Variants in XKR9 observed in about 807,000 individuals in gnomAD.
XKR9 encodes XK related 9.
A neutral mutation model predicts 32.0 loss-of-function variants in XKR9; 32 were observed. The ratio of observed to expected loss-of-function variants is 1.00; its 90% CI spans 0.76 to 1.34. The LOEUF is 1.34. XKR9 is among the 40% of genes most tolerant of loss of function. XKR9 has a pLI of 0.00. For missense variants in XKR9, 546 were observed against 429.7 expected (o/e 1.27, Z -2.39); for synonymous variants, 168 against 143.4 (o/e 1.17, Z -1.22).
the XKR9 span, among the ~76,000 whole-genome samples, chr8:70,925,442 C>T: frequency 2.4e-4 from 37 of 152,230 alleles, 1 homozygote; most frequent in South Asian, 4.1e-4. Flanking sequence ...ACTCTATTTT[C>T]GAGATGATAA....
At chr8:71,052,612 A>C in the XKR9 span, among the ~76,000 whole-genome samples, 1 of 152,224 alleles carries the variant, frequency 6.6e-6, no homozygotes, top group Non-Finnish European at 1.5e-5. Flanking sequence ...TCAAGCAGGC[A>C]TGCAGACAGT....
the XKR9 span, among the ~76,000 whole-genome samples, chr8:70,943,614 T>G: frequency 4.6e-5 from 7 of 152,260 alleles, no homozygotes; most frequent in African/African-American, 1.4e-4. Context: ...TAATAGGTCT[T>G]TTTTACTCAA....
chr8:70,756,802 C>T (rs1360286180), intron 2 of XKR9, among the ~76,000 whole-genome samples: 5 of 152,092 alleles, frequency 3.3e-5, no homozygotes, highest in Non-Finnish European at 7.4e-5. Flanking sequence ...AAATAGAGAT[C>T]ATTTTCCTTC....
chr8:70,894,303 G>A, the XKR9 span, among the ~76,000 whole-genome samples: 197 of 151,896 alleles, frequency 1.3e-3, 3 homozygotes, highest in East Asian at 0.035. Flanking sequence ...TGGGCCCTGG[G>A]GGCAGACAAC....
At chr8:70,933,851 T>C in the XKR9 span, among the ~76,000 whole-genome samples, 1 of 152,084 alleles carries the variant, frequency 6.6e-6, no homozygotes, top group African/African-American at 2.4e-5. Context: ...ATCTATTAGT[T>C]ATATCAGGAA....
the XKR9 span, among the ~76,000 whole-genome samples, chr8:70,943,500 A>T: frequency 6.6e-6 from 1 of 152,194 alleles, no homozygotes; most frequent in Non-Finnish European, 1.5e-5. Flanking sequence ...TAAAAAAGGT[A>T]AATATTTGGC....
At chr8:70,845,504 G>A in the XKR9 span, among the ~76,000 whole-genome samples, 1 of 152,092 alleles carries the variant, frequency 6.6e-6, no homozygotes, top group Non-Finnish European at 1.5e-5. Context: ...AGCTCAGTGA[G>A]ACACAAGAGA....
At chr8:70,869,848 AG>A in the XKR9 span, among the ~76,000 whole-genome samples, 214 of 152,324 alleles carry the variant, frequency 1.4e-3, 1 homozygote, top group South Asian at 5.2e-3. Flanking sequence ...CTTATTATAT[AG>A]TACCTTAGGC....
chr8:70,983,586 GC>G, the XKR9 span, among the ~76,000 whole-genome samples: 1,404 of 152,134 alleles, frequency 9.2e-3, 21 homozygotes, highest in African/African-American at 0.032. Flanking sequence ...TTCAAGACCA[GC>G]CTGGCTAACA....
chr8:71,019,666 T>A, the XKR9 span, among the ~76,000 whole-genome samples: 1 of 152,250 alleles, frequency 6.6e-6, no homozygotes, highest in Non-Finnish European at 1.5e-5. Context: ...CACTTTGAGA[T>A]GAAGTTTAAA....
chr8:70,930,645 G>T, the XKR9 span, among the ~76,000 whole-genome samples: 1 of 152,070 alleles, frequency 6.6e-6, no homozygotes, highest in Admixed American at 6.6e-5. Context: ...TTTTAGTTTG[G>T]GATACCACAT....
At chr8:70,852,288 T>C in the XKR9 span, among the ~76,000 whole-genome samples, 1 of 152,188 alleles carries the variant, frequency 6.6e-6, no homozygotes, top group African/African-American at 2.4e-5. Flanking sequence ...AAACAACAGC[T>C]GCTGGAAAGG....
intron 4 of XKR9, among the ~76,000 whole-genome samples, chr8:70,727,013 AT>A (rs1806492475): frequency 6.6e-6 from 1 of 152,036 alleles, no homozygotes; most frequent in Non-Finnish European, 1.5e-5. Context: ...AAAGGCACCC[AT>A]TTTTCTTAAG....
At chr8:70,769,794 A>C (rs949658622) in intron 2 of XKR9, among the ~76,000 whole-genome samples, 1 of 151,942 alleles carries the variant, frequency 6.6e-6, no homozygotes, top group Non-Finnish European at 1.5e-5. Context: ...TCATCAGGTC[A>C]TTTATGTTCT....
chr8:70,821,384 GGTGCACA>G, the XKR9 span, among the ~76,000 whole-genome samples: 1 of 152,200 alleles, frequency 6.6e-6, no homozygotes, highest in Non-Finnish European at 1.5e-5. Flanking sequence ...AGCTTTTGTA[GGTGCACA>G]GTGCAAGCTG....
At chr8:70,759,253 G>A (rs925121790) in intron 2 of XKR9, among the ~76,000 whole-genome samples, 3 of 152,092 alleles carry the variant, frequency 2.0e-5, no homozygotes, top group Non-Finnish European at 2.9e-5. Context: ...AACAGCTCAG[G>A]CCCATGCAAT....
At chr8:70,810,085 T>G in the XKR9 span, among the ~76,000 whole-genome samples, 3 of 152,200 alleles carry the variant, frequency 2.0e-5, no homozygotes, top group African/African-American at 4.8e-5. Context: ...GACTAACAGC[T>G]GATCTCTCGG....
the XKR9 span, among the ~76,000 whole-genome samples, chr8:70,817,139 G>T: frequency 6.6e-6 from 1 of 152,100 alleles, no homozygotes; most frequent in East Asian, 1.9e-4. Flanking sequence ...AGAACAACCA[G>T]GCAAGCAAAA....
At chr8:70,788,328 C>T (rs1428977145) in intron 2 of XKR9, among the ~76,000 whole-genome samples, 3 of 152,100 alleles carry the variant, frequency 2.0e-5, no homozygotes, top group Non-Finnish European at 4.4e-5. Context: ...TCAGTTGTTG[C>T]AACTTTTTCT....
Sources: allele counts gnomAD v4.1 joint callset (sites outside exome capture counted in the v4.1 genomes callset), GRCh38; gene constraint gnomAD v4.1.1; transcripts MANE v1.5; gene names NCBI Gene and HGNC (gene_info 2026-07-23, HGNC 2026-07-21).